Variants in CFAP54 observed in about 807,000 individuals in gnomAD.
CFAP54 encodes the protein cilia- and flagella-associated protein 54.
Under a neutral mutation model 370.4 loss-of-function variants are expected in CFAP54, and 290 were observed. The ratio of observed to expected loss-of-function variants is 0.78; its 90% CI spans 0.71 to 0.86. The LOEUF (loss-of-function observed/expected upper bound fraction) is 0.86. Ranked by LOEUF, CFAP54 falls within the 40% of genes least tolerant of loss-of-function variation. The pLI, the probability that CFAP54 is intolerant of heterozygous loss-of-function variation, is 0.00. For missense variants in CFAP54, 3,399 were observed against 3,528.7 expected, an observed-to-expected ratio of 0.96 and a Z score of 0.93; for synonymous variants, 1,206 against 1,236.5, an observed-to-expected ratio of 0.98 and a Z score of 0.52.
rs577741279 is a variant in CFAP54 at position 96,801,620 on chromosome 12, T to C, written c.8850+9121T>C. Among the ~76,000 whole-genome samples, 7 of 152,318 alleles carry C rather than the reference T, an allele frequency of 4.6e-5. No homozygotes were observed. The East Asian group carries it at 1.4e-3, about 29-fold the overall frequency. On this transcript the variant is annotated intron_variant, in intron 63 of 67. Transcript: ENST00000524981. ...TCGTACCTTAGGACTTTTAGCTTTA[T>C]CCTGTCTCATCTTCCTGCTCTTTTT...
intron 50 of CFAP54, among the ~76,000 whole-genome samples, chr12:96,737,097 G>C (rs11108665): frequency 0.08 from 12,124 of 152,198 alleles, 932 homozygotes; most frequent in East Asian, 0.44. Context: ...TCAGATTTCA[G>C]ATTTTTGGGG....
Position 96,743,887 on chromosome 12 carries a change from G to A in CFAP54, c.7534G>A (p.Ala2512Thr), listed in dbSNP as rs1958081590. 1.2e-6 allele frequency: 2 copies of A among 1,612,966 alleles called. No homozygotes were observed. Among genetic ancestry groups the A allele is most frequent in the South Asian group, 1.1e-5 (1 of 90,846 alleles). The stretch of plus-strand genomic sequence containing the variant: ...AGGAAAATTAAATTTGTTAACTCGG[G>A]CTCATAGCATTCTAACTGAACAGGT... Reference protein sequence around the residue: ...KTGKLNLLTRAHSILTEQMLA... With the variant: ...KTGKLNLLTRTHSILTEQMLA... Residue 2512 changes from alanine to threonine, a missense_variant, in exon 54 of 68, where the codon GCT becomes ACT. Around this residue, in one of 3 missense-constraint regions of CFAP54, gnomAD observed 2,796 missense variants for 2,869.7 expected, o/e 0.97. Transcript: ENST00000524981.
Position 96,713,217 on chromosome 12 carries a change from A to C in CFAP54, c.6724+4414A>C, listed in dbSNP as rs76995979. 1.7e-3 allele frequency among the ~76,000 whole-genome samples: 265 copies of C among 152,342 alleles called. 5 individuals carry two copies. In the East Asian group the frequency reaches 0.045, roughly 26 times the overall value. On this transcript the variant is annotated intron_variant, in intron 48 of 67. Transcript: ENST00000524981. ...AAAGAAAAGAAAATCAGTTTATCAA[A>C]GGGATACCAGCACTGCCATGTTTAT...
chr12:96,742,413 A>T (rs1592736703), intron 51 of CFAP54, 26 bp from the exon 52 acceptor site: 7 of 1,512,842 alleles, frequency 4.6e-6, no homozygotes, highest in Non-Finnish European at 6.4e-6. Context: ...AAATGGAAAG[A>T]TAACCATCAT....
At chr12:96,617,017 A>G (rs1956426454) in intron 26 of CFAP54, among the ~76,000 whole-genome samples, 1 of 152,226 alleles carries the variant, frequency 6.6e-6, no homozygotes, top group Non-Finnish European at 1.5e-5. Context: ...TGAGTTATTT[A>G]TGAGATAGAA....
intron 66 of CFAP54, among the ~76,000 whole-genome samples, chr12:96,860,239 G>A (rs1490707029): frequency 6.7e-6 from 1 of 150,166 alleles, no homozygotes; most frequent in Non-Finnish European, 1.5e-5. Context: ...CATGAAGTGG[G>A]TCCCCAGCAA....
intron 43 of CFAP54, 94 bp from the exon 44 acceptor site, chr12:96,691,034 C>A: frequency 1.9e-6 from 2 of 1,057,530 alleles, no homozygotes; most frequent in Non-Finnish European, 2.8e-6. Flanking sequence ...ATATACTAAG[C>A]ATTTTATAAA....
At chr12:96,577,069 C>T (rs183057744) in intron 20 of CFAP54, among the ~76,000 whole-genome samples, 3 of 152,242 alleles carry the variant, frequency 2.0e-5, no homozygotes, top group East Asian at 1.9e-4. Context: ...CTGACATCCT[C>T]GTGTGCTCAA....
At chr12:96,554,120 G>A in intron 15 of CFAP54, 62 bp from the exon 16 acceptor site, 2 of 1,067,888 alleles carry the variant, frequency 1.9e-6, no homozygotes, top group Non-Finnish European at 2.6e-6. Flanking sequence ...TCAAAAATTG[G>A]AAGTGTTGCA....
Position 96,489,642 on chromosome 12 carries a change from G to A in CFAP54, c.33G>A (p.Pro11=), listed in dbSNP as rs1954853895. The A allele has an allele frequency of 6.5e-6, 10 of 1,529,740 alleles. 1 individual carries two copies. Among genetic ancestry groups the A allele is most frequent in the South Asian group, 6.0e-5 (5 of 83,932 alleles). The allele number at this position is 1,529,740 out of a possible 1,614,324, so 94.8% of individuals were successfully genotyped here. A position where few individuals can be genotyped will look rare whatever the true frequency, so the allele number is the denominator to read the frequency against. Residue 11 remains proline (P), a synonymous_variant, in exon 1 of 68, where the codon CCG becomes CCA. Coordinates refer to ENST00000524981, the MANE Select transcript of CFAP54 (RefSeq NM_001306084.2). Reference sequence around the variant, plus strand: ...CGCAGGGCTCCCCCTCGAGCTCTCCGTCAGACGACTCTACCACCTCGGGGT... The same window carrying A: ...CGCAGGGCTCCCCCTCGAGCTCTCCATCAGACGACTCTACCACCTCGGGGT... MAAQGSPSSS[P]SDDSTTSGSL...
intron 36 of CFAP54, among the ~76,000 whole-genome samples, chr12:96,657,398 C>A (rs1184913552): frequency 6.6e-6 from 1 of 152,178 alleles, no homozygotes; most frequent in African/African-American, 2.4e-5. Context: ...TAGGGAACTT[C>A]ATTATGTGTT....
At chr12:96,674,282 T>C (rs1032079) in intron 39 of CFAP54, among the ~76,000 whole-genome samples, 133,330 of 151,486 alleles carry the variant, frequency 0.88, 58,879 homozygotes, top group East Asian at 0.96. Flanking sequence ...TCAGGAGTCA[T>C]TGGCATTTCA....
Position 96,767,806 on chromosome 12 carries a change from C to CA in CFAP54, c.8281+2594dup, listed in dbSNP as rs558072800. ...TGCATTAGCATAAATTAGCATCCAGCAAAAAACCTCCTCAGTAATCTTAGC... is the reference window on the plus strand; with the variant it reads ...TGCATTAGCATAAATTAGCATCCAGCAAAAAAACCTCCTCAGTAATCTTAGC... On this transcript the variant is annotated intron_variant, in intron 60 of 67. Transcript: ENST00000524981. Among the ~76,000 whole-genome samples the CA allele has an allele frequency of 4.0e-4, 61 of 152,056 alleles. 1 individual carries two copies. Among genetic ancestry groups the CA allele is most frequent in the African/African-American group, 1.4e-3 (60 of 41,486 alleles).
chr12:96,675,279 A>G (rs1034306823), intron 39 of CFAP54, among the ~76,000 whole-genome samples: 1 of 152,252 alleles, frequency 6.6e-6, no homozygotes, highest in Non-Finnish European at 1.5e-5. Flanking sequence ...TTGGCAAAGG[A>G]TATGAACAGA....
chr12:96,775,116 G>A (rs920728963), intron 60 of CFAP54, among the ~76,000 whole-genome samples: 3 of 152,118 alleles, frequency 2.0e-5, no homozygotes, highest in East Asian at 1.9e-4. Flanking sequence ...AAATGAATGA[G>A]CATGGCTGTG....
intron 17 of CFAP54, among the ~76,000 whole-genome samples, chr12:96,562,669 G>C (rs954747741): frequency 6.6e-6 from 1 of 151,896 alleles, no homozygotes; most frequent in Non-Finnish European, 1.5e-5. Flanking sequence ...GACCTCAAAC[G>C]ATCTGCCCAC....
In CFAP54 at chr12:96,657,895, A is replaced by G. The variant is rs751415703; in HGVS notation, c.5114A>G (p.Lys1705Arg). The G allele has an allele frequency of 1.9e-6, 3 of 1,610,738 alleles. No individual in the cohort carries two copies. The highest frequency in any genetic ancestry group is 1.7e-5 in the Admixed American group (1 of 59,338). The change falls in exon 37 of 68, where the codon AAA (lysine) becomes AGA (arginine). Residue 1705 changes from lysine (K) to arginine (R), a missense_variant. Transcript: ENST00000524981. ...NTSSIKPIED[K>R]GEFSVPSCYG... ...TGCTACTTGCAGCCTATTGAAGACA[A>G]AGGAGAATTCAGTGTTCCAAGCTGT... is the stretch of plus-strand genomic sequence containing the variant.
chr12:96,604,915 C>G (rs1956284933), intron 26 of CFAP54, among the ~76,000 whole-genome samples: 1 of 152,204 alleles, frequency 6.6e-6, no homozygotes, highest in East Asian at 1.9e-4. Context: ...GGTAAATCCC[C>G]CAAACCCTTG....
At position 96,700,048 on chromosome 12, in the gene CFAP54, G is replaced by A; in HGVS notation, c.6429G>A (p.Met2143Ile). 1.2e-6 allele frequency: 2 copies of A among 1,609,856 alleles called. No individual in the cohort carries two copies. The highest frequency in any genetic ancestry group is 1.7e-5 in the Admixed American group (1 of 59,264). Residue 2143 changes from methionine (M) to isoleucine (I), a missense_variant, in exon 46 of 68, where the codon ATG becomes ATA. Coordinates refer to ENST00000524981, the MANE Select transcript of CFAP54 (RefSeq NM_001306084.2). ...CCCAAATTTTCTATGGAAAAAACATGCCTTGTCCAATACCTGCAGGCTATA... is the reference window on the plus strand; with the variant it reads ...CCCAAATTTTCTATGGAAAAAACATACCTTGTCCAATACCTGCAGGCTATA... ...EISQIFYGKN[M>I]PCPIPAGYKA...
Sources: gnomAD v4.1 joint callset for allele counts (sites outside exome capture counted in the v4.1 genomes callset) on GRCh38, gnomAD v4.1.1 for gene constraint, gnomAD v4.1.1 regional missense constraint, MANE v1.5 for transcripts, NCBI Gene and HGNC (gene_info 2026-07-23, HGNC 2026-07-21) for gene names.